USP49: variants seen among roughly 807,000 people sequenced by gnomAD.
USP49 encodes ubiquitin specific peptidase 49, also known as ubiquitin carboxyl-terminal hydrolase 49.
Under a neutral mutation model 58.6 loss-of-function variants are expected in USP49, and 24 were observed. The ratio of observed to expected loss-of-function variants is 0.41; its 90% CI spans 0.30 to 0.58. USP49 has a LOEUF of 0.58. USP49 is among the 20% of genes least tolerant of loss of function. The probability of loss-of-function intolerance (pLI) is 0.30; values close to 1 mark genes in which losing one functional copy is unlikely to be tolerated. For synonymous variants in USP49, 408 were observed against 365.1 expected (o/e 1.12, Z -1.34); for missense variants, 703 against 866.1 (o/e 0.81, Z 2.36).
At chr6:41,833,746 A>T (rs1037814569) in intron 3 of USP49, among the ~76,000 whole-genome samples, 2 of 152,216 alleles carry the variant, frequency 1.3e-5, no homozygotes, top group Non-Finnish European at 2.9e-5. Context: ...GAAATGTAAG[A>T]AGTAGTAGCA....
intron 3 of USP49, among the ~76,000 whole-genome samples, chr6:41,854,471 AGAT>A (rs577685037): frequency 2.6e-5 from 4 of 152,178 alleles, no homozygotes; most frequent in Admixed American, 1.3e-4. Context: ...CTACCAGTCG[AGAT>A]GAATGAGTTC....
chr6:41,873,819 A>T (rs543711479), intron 2 of USP49, among the ~76,000 whole-genome samples: 1 of 152,198 alleles, frequency 6.6e-6, no homozygotes, highest in Non-Finnish European at 1.5e-5. Flanking sequence ...TACGATGGTG[A>T]TCTTGAAAAC....
intron 3 of USP49, among the ~76,000 whole-genome samples, chr6:41,856,939 T>C (rs1172848540): frequency 6.6e-6 from 1 of 152,210 alleles, no homozygotes; most frequent in Admixed American, 6.5e-5. Context: ...TAGGGTTCAC[T>C]ACTGTCCCGT....
intron 3 of USP49, among the ~76,000 whole-genome samples, chr6:41,850,665 C>T (rs1320522271): frequency 2.0e-5 from 3 of 148,762 alleles, no homozygotes; most frequent in South Asian, 2.2e-4. Flanking sequence ...AGTGCAGTGG[C>T]GCCATCTCGG....
intron 3 of USP49, among the ~76,000 whole-genome samples, chr6:41,836,943 C>G (rs1773739397): frequency 6.6e-6 from 1 of 152,038 alleles, no homozygotes. Context: ...AATTACAACA[C>G]TGCTCAAAGA....
At chr6:41,812,484 G>A (rs1274811346) in intron 3 of USP49, among the ~76,000 whole-genome samples, 2 of 151,610 alleles carry the variant, frequency 1.3e-5, no homozygotes, top group East Asian at 4.0e-4. Flanking sequence ...ACGAGGTCAG[G>A]AGATCGAGAC....
At chr6:41,888,274 C>T (rs571686231) in intron 2 of USP49, among the ~76,000 whole-genome samples, 48 of 152,076 alleles carry the variant, frequency 3.2e-4, no homozygotes, top group African/African-American at 8.4e-4. Context: ...AGCCTGGTCT[C>T]GAACTCCTGG....
chr6:41,847,757 G>C (rs1308146937), intron 3 of USP49, among the ~76,000 whole-genome samples: 1 of 151,736 alleles, frequency 6.6e-6, no homozygotes, highest in Non-Finnish European at 1.5e-5. Flanking sequence ...GAAACAGATT[G>C]GCAAAGAGCA....
chr6:41,865,916 C>CTTTTT (rs34663718), intron 3 of USP49, among the ~76,000 whole-genome samples: 9 of 65,388 alleles, frequency 1.4e-4, no homozygotes, highest in South Asian at 8.4e-4. Context: ...AGCATGGTGC[C>CTTTTT]TTTTTTTTTT....
intron 3 of USP49, among the ~76,000 whole-genome samples, chr6:41,866,162 C>T (rs770171021): frequency 5.3e-5 from 8 of 151,802 alleles, no homozygotes; most frequent in African/African-American, 1.4e-4. Context: ...CCTCGTGATC[C>T]GCCCACCTCG....
intron 3 of USP49, chr6:41,868,697 C>G (rs939663232): frequency 2.0e-5 from 3 of 152,006 alleles, no homozygotes; most frequent in Admixed American, 6.6e-5. Flanking sequence ...ATAGAATAGT[C>G]CATAATAATC....
chr6:41,835,271 T>TA (rs1183677133), intron 3 of USP49, among the ~76,000 whole-genome samples: 1 of 152,182 alleles, frequency 6.6e-6, no homozygotes, highest in Non-Finnish European at 1.5e-5. Flanking sequence ...TTAGCCAACT[T>TA]AAACGAATGC....
At chr6:41,858,833 C>T (rs1011766254) in intron 3 of USP49, among the ~76,000 whole-genome samples, 1 of 152,098 alleles carries the variant, frequency 6.6e-6, no homozygotes, top group Non-Finnish European at 1.5e-5. Context: ...TCCTCCCTAG[C>T]AATTATCACT....
intron 3 of USP49, among the ~76,000 whole-genome samples, chr6:41,847,367 T>C (rs1426953200): frequency 2.6e-5 from 4 of 152,100 alleles, no homozygotes; most frequent in African/African-American, 9.7e-5. Context: ...AAAAATTCAA[T>C]AACTGAACTG....
At chr6:41,890,441 G>A (rs763038144) in intron 2 of USP49, among the ~76,000 whole-genome samples, 8 of 151,858 alleles carry the variant, frequency 5.3e-5, no homozygotes, top group Non-Finnish European at 1.0e-4. Flanking sequence ...GGCCAGGCGC[G>A]GTGGCTCACA....
At chr6:41,822,233 C>T (rs1402491238) in intron 3 of USP49, among the ~76,000 whole-genome samples, 1 of 152,208 alleles carries the variant, frequency 6.6e-6, no homozygotes, top group Admixed American at 6.5e-5. Flanking sequence ...TCTCCCTCCT[C>T]CCATTTTCTC....
At chr6:41,797,775 A>G (rs1398671290) in intron 7 of USP49, 4 of 985,772 alleles carry the variant, frequency 4.1e-6, no homozygotes, top group Admixed American at 6.1e-5. Context: ...GCATTACCAC[A>G]AAACAGTAAT....
At chr6:41,888,218 C>G (rs886163957) in intron 2 of USP49, among the ~76,000 whole-genome samples, 3 of 151,864 alleles carry the variant, frequency 2.0e-5, no homozygotes, top group African/African-American at 7.3e-5. Context: ...TCATGCCCAG[C>G]TAATTTTTGT....
In USP49 at chr6:41,805,634, G is replaced by A. The variant is rs774840419; in HGVS notation, c.1350C>T (p.Leu450=). The A allele has an allele frequency of 1.2e-5, 19 of 1,611,646 alleles. No homozygotes were observed. In the South Asian group the frequency reaches 2.0e-4, roughly 17 times the overall value. ...VVNTIFHGQL[L]SQVTCISCNY... ...ATGGTAGGCACACACATACCTGACTGAGCAGCTGCCCATGAAATATGGTAT... is the reference window on the plus strand; with the variant it reads ...ATGGTAGGCACACACATACCTGACTAAGCAGCTGCCCATGAAATATGGTAT... The change falls in exon 4 of 8, where the codon CTC becomes CTT. Residue 450 remains leucine (L), a synonymous_variant. Transcript: ENST00000682992.
Sources: allele counts gnomAD v4.1 joint callset (sites outside exome capture counted in the v4.1 genomes callset), GRCh38; gene constraint gnomAD v4.1.1; transcripts MANE v1.5; gene names NCBI Gene and HGNC (gene_info 2026-07-23, HGNC 2026-07-21).